Variants in IMMP2L observed in about 807,000 individuals in gnomAD.
IMMP2L encodes the protein mitochondrial inner membrane protease subunit 2.
A neutral mutation model predicts 19.3 loss-of-function variants in IMMP2L; 18 were observed. That is an observed-to-expected ratio of 0.93 (90% CI 0.64 to 1.38). The LOEUF (loss-of-function observed/expected upper bound fraction) is 1.38. Ranked by LOEUF, IMMP2L falls within the 40% of genes most tolerant of loss-of-function variation. The probability of loss-of-function intolerance (pLI) is 0.00; values close to 1 mark genes in which losing one functional copy is unlikely to be tolerated. For missense variants in IMMP2L, 233 were observed against 218.2 expected, an observed-to-expected ratio of 1.07 and a Z score of -0.43; for synonymous variants, 76 against 73.0, an observed-to-expected ratio of 1.04 and a Z score of -0.21.
chr7:111,328,193 G>C lies in IMMP2L; in HGVS notation c.239+159045C>G, dbSNP rs544098715. Among the ~76,000 whole-genome samples, 27 of 151,790 alleles carry C rather than the reference G, an allele frequency of 1.8e-4. No individual in the cohort carries two copies. The South Asian group carries it at 5.4e-3, about 30-fold the overall frequency. On this transcript the variant is annotated intron_variant, in intron 3 of 5. Coordinates refer to ENST00000405709, the MANE Select transcript of IMMP2L (RefSeq NM_032549.4). ...AGTATTCTCCTATAAGCTCTTAAAA[G>C]TTATTTTGAAAACTGTCAATACAGC...
chr7:111,543,683 G>T (rs1848673441), intron 1 of IMMP2L, among the ~76,000 whole-genome samples: 1 of 152,120 alleles, frequency 6.6e-6, no homozygotes, highest in Admixed American at 6.5e-5. Flanking sequence ...AAAAGCAAAA[G>T]ATATGTAAAT....
intron 3 of IMMP2L, among the ~76,000 whole-genome samples, chr7:111,357,161 G>T (rs1350101687): frequency 6.6e-6 from 1 of 152,136 alleles, no homozygotes; most frequent in African/African-American, 2.4e-5. Context: ...GCCCACTGTA[G>T]CATTTAAAGT....
At position 111,039,079 on chromosome 7, in the gene IMMP2L, C is replaced by A. The variant is rs1445342620; in HGVS notation, c.240-75514G>T. ...CTTCTATTTCAAACTTTGATAAGCA[C>A]AATGTATAGAATAGAATGGTCTGCT... On this transcript the variant is annotated intron_variant, in intron 3 of 5. Transcript: ENST00000405709. 2.0e-5 allele frequency among the ~76,000 whole-genome samples: 3 copies of A among 152,118 alleles called. No homozygotes were observed. In the East Asian group the frequency reaches 5.8e-4, roughly 29 times the overall value.
intron 3 of IMMP2L, among the ~76,000 whole-genome samples, chr7:111,321,071 A>G (rs1243927608): frequency 1.3e-5 from 2 of 152,046 alleles, no homozygotes; most frequent in Non-Finnish European, 2.9e-5. Flanking sequence ...AGTATTCTCC[A>G]ATCTGCCCAA....
chr7:111,237,324 A>T (rs576051290), intron 3 of IMMP2L, among the ~76,000 whole-genome samples: 1 of 152,270 alleles, frequency 6.6e-6, no homozygotes, highest in South Asian at 2.1e-4. Flanking sequence ...TATAAGAATA[A>T]TTCATAAAAT....
chr7:111,085,966 G>A (rs1189299296), intron 3 of IMMP2L, among the ~76,000 whole-genome samples: 3 of 152,254 alleles, frequency 2.0e-5, no homozygotes, highest in East Asian at 3.9e-4. Context: ...GTGCCTCCTG[G>A]AGGGTTAAGA....
chr7:111,238,412 T>G (rs1024418971), intron 3 of IMMP2L, among the ~76,000 whole-genome samples: 3 of 152,050 alleles, frequency 2.0e-5, no homozygotes, highest in African/African-American at 7.2e-5. Context: ...ACTACATATA[T>G]TGTTAAGTTT....
chr7:111,044,570 A>G (rs1251466563), intron 3 of IMMP2L, among the ~76,000 whole-genome samples: 2 of 152,132 alleles, frequency 1.3e-5, no homozygotes, highest in Non-Finnish European at 2.9e-5. Flanking sequence ...TCAAAAAAAT[A>G]AAAATAAAAA....
intron 5 of IMMP2L, among the ~76,000 whole-genome samples, chr7:110,806,443 T>A (rs925967923): frequency 6.6e-6 from 1 of 152,004 alleles, no homozygotes; most frequent in East Asian, 1.9e-4. Context: ...CAAGATAGCA[T>A]TAAACTGATT....
chr7:111,195,414 A>C (rs1809362297), intron 3 of IMMP2L, among the ~76,000 whole-genome samples: 1 of 151,918 alleles, frequency 6.6e-6, no homozygotes, highest in African/African-American at 2.4e-5. Context: ...TTGAAAATAT[A>C]AACTTGCAAG....
At chr7:111,387,886 GA>G (rs1460885792) in intron 3 of IMMP2L, among the ~76,000 whole-genome samples, 1 of 146,180 alleles carries the variant, frequency 6.8e-6, no homozygotes, top group Admixed American at 7.0e-5. Context: ...TGAGGCAGGG[GA>G]ATCACCTGAA....
intron 4 of IMMP2L, among the ~76,000 whole-genome samples, chr7:110,918,337 T>C (rs1813849702): frequency 6.6e-6 from 1 of 152,118 alleles, no homozygotes; most frequent in African/African-American, 2.4e-5. Flanking sequence ...TGACCTCTGA[T>C]GACATTCCTG....
intron 3 of IMMP2L, among the ~76,000 whole-genome samples, chr7:111,445,247 T>A (rs1042756473): frequency 7.2e-5 from 11 of 151,956 alleles, no homozygotes; most frequent in African/African-American, 2.4e-4. Flanking sequence ...GCAGACAAAC[T>A]GTGGGGAGCC....
intron 3 of IMMP2L, among the ~76,000 whole-genome samples, chr7:111,434,208 T>C (rs1836905370): frequency 6.6e-6 from 1 of 151,782 alleles, no homozygotes; most frequent in South Asian, 2.1e-4. Context: ...TCCTATTTAA[T>C]ACATAGTGCT....
rs11771222 is a variant in IMMP2L at position 110,824,940 on chromosome 7, G to A, written c.408+61653C>T. 3.9e-5 allele frequency among the ~76,000 whole-genome samples: 6 copies of A among 152,016 alleles called. No individual in the cohort carries two copies. In the South Asian group the frequency reaches 6.2e-4, roughly 16 times the overall value. On this transcript the variant is annotated intron_variant, in intron 5 of 5. Coordinates refer to ENST00000405709, the MANE Select transcript of IMMP2L (RefSeq NM_032549.4). ...TGACATGATTGTATATCTAGAAAAC[G>A]CCATCATCTCAGCCCAAAATCTCCT... is the stretch of plus-strand genomic sequence containing the variant.
At chr7:111,201,937 G>A (rs1408166156) in intron 3 of IMMP2L, among the ~76,000 whole-genome samples, 1 of 152,152 alleles carries the variant, frequency 6.6e-6, no homozygotes, top group Non-Finnish European at 1.5e-5. Flanking sequence ...GGACTTCCCA[G>A]TCTCCAGAAC....
chr7:111,001,778 G>A (rs748626506), intron 3 of IMMP2L, among the ~76,000 whole-genome samples: 2 of 151,986 alleles, frequency 1.3e-5, no homozygotes, highest in African/African-American at 4.8e-5. Flanking sequence ...TAATGAGCTG[G>A]GACTCTTATC....
At chr7:111,392,889 G>A (rs1832506413) in intron 3 of IMMP2L, 1 of 455,240 alleles carries the variant, frequency 2.2e-6, no homozygotes, top group Non-Finnish European at 4.4e-6. Context: ...GAGCATAGTA[G>A]CTTTTGTCCC....
intron 4 of IMMP2L, among the ~76,000 whole-genome samples, chr7:110,910,022 T>C (rs987388525): frequency 2.8e-5 from 4 of 142,368 alleles, no homozygotes; most frequent in Admixed American, 2.8e-4. Flanking sequence ...CTAATGGAAC[T>C]TTTAAGTACA....
Sources: allele counts gnomAD v4.1 joint callset (sites outside exome capture counted in the v4.1 genomes callset), GRCh38; gene constraint gnomAD v4.1.1; transcripts MANE v1.5; gene names NCBI Gene and HGNC (gene_info 2026-07-23, HGNC 2026-07-21).